Variants in MOBP observed in about 807,000 individuals in gnomAD.
The protein encoded by MOBP is myelin associated oligodendrocyte basic protein.
In MOBP, 5 loss-of-function variants were observed where a neutral mutation model predicts 15.0. That is an observed-to-expected ratio of 0.33 (90% CI 0.17 to 0.70). MOBP has a LOEUF of 0.70. Ranked by LOEUF, MOBP falls within the 30% of genes least tolerant of loss-of-function variation. MOBP has a pLI of 0.67. For missense variants in MOBP, 188 were observed against 257.8 expected (o/e 0.73, Z 1.85); for synonymous variants, 88 against 99.0 (o/e 0.89, Z 0.66).
At chr3:39,506,314 T>A (rs1247630586), downstream of MOBP, among the ~76,000 whole-genome samples, 1 of 152,178 alleles carries the variant, frequency 6.6e-6, no homozygotes, top group Non-Finnish European at 1.5e-5. Context: ...TTCAATTCAT[T>A]GTGTTCTAAT....
intron 1 of MOBP, among the ~76,000 whole-genome samples, chr3:39,469,332 A>AT: frequency 6.7e-6 from 1 of 150,066 alleles, no homozygotes; most frequent in Admixed American, 6.7e-5. Flanking sequence ...AATTAATTTT[A>AT]ATTAAAATTT....
downstream of MOBP, among the ~76,000 whole-genome samples, chr3:39,506,818 T>G (rs1253478420): frequency 6.6e-6 from 1 of 152,218 alleles, no homozygotes; most frequent in Non-Finnish European, 1.5e-5. Flanking sequence ...ACCAGTAGTG[T>G]TTGCTCTAAT....
chr3:39,490,419 G>A (rs547556716), intron 2 of MOBP, among the ~76,000 whole-genome samples: 6 of 152,306 alleles, frequency 3.9e-5, no homozygotes, highest in Non-Finnish European at 7.4e-5. Context: ...AAAACTCATT[G>A]AAGATTGATA....
intron 1 of MOBP, among the ~76,000 whole-genome samples, chr3:39,478,826 T>C (rs1041861040): frequency 5.3e-5 from 8 of 150,970 alleles, no homozygotes; most frequent in African/African-American, 2.0e-4. Context: ...TGTCTTTTTT[T>C]TTCTTCTTCT....
downstream of MOBP, among the ~76,000 whole-genome samples, chr3:39,507,027 T>C (rs1334325723): frequency 6.6e-6 from 1 of 152,216 alleles, no homozygotes; most frequent in Non-Finnish European, 1.5e-5. Context: ...TGCTTCCTTT[T>C]CTGCCAATTG....
chr3:39,482,807 G>A (rs1352094753), intron 2 of MOBP, among the ~76,000 whole-genome samples: 6 of 151,858 alleles, frequency 4.0e-5, no homozygotes, highest in African/African-American at 1.5e-4. Flanking sequence ...AGCCCATCCT[G>A]CTCCACTCCT....
intron 2 of MOBP, among the ~76,000 whole-genome samples, chr3:39,491,746 A>C (rs973612346): frequency 6.6e-6 from 1 of 152,226 alleles, no homozygotes; most frequent in African/African-American, 2.4e-5. Flanking sequence ...AAGCAGAAAG[A>C]AGAGTTTTTC....
chr3:39,472,133 T>A (rs182219439), intron 1 of MOBP, among the ~76,000 whole-genome samples: 3 of 152,340 alleles, frequency 2.0e-5, no homozygotes, highest in East Asian at 3.9e-4. Flanking sequence ...AGTTTTATCA[T>A]TGTGGAGATA....
downstream of MOBP, among the ~76,000 whole-genome samples, chr3:39,520,537 A>AGTGTGTGT (rs5848515): frequency 5.5e-4 from 80 of 144,690 alleles, no homozygotes; most frequent in South Asian, 4.9e-3. Flanking sequence ...TGTGTTCATG[A>AGTGTGTGT]GTGTGTGTGT....
chr3:39,479,251 G>A (rs1231572913), intron 1 of MOBP, among the ~76,000 whole-genome samples: 1 of 152,074 alleles, frequency 6.6e-6, no homozygotes, highest in Admixed American at 6.6e-5. Context: ...CTCTTACAAA[G>A]ATTTCTATAG....
intron 1 of MOBP, among the ~76,000 whole-genome samples, chr3:39,468,679 AATATGTGTGTGTATATACATATATAC>A (rs1559411314): frequency 0.028 from 3,771 of 132,602 alleles, 70 homozygotes; most frequent in African/African-American, 0.033. Flanking sequence ...TATATATAAA[AATATGTGTGTGTATATACATATATAC>A]ATATGTGTGT....
At chr3:39,495,820 TGGGGGAAAAAA>T (rs1304426728) in intron 2 of MOBP, among the ~76,000 whole-genome samples, 1 of 129,634 alleles carries the variant, frequency 7.7e-6, no homozygotes, top group African/African-American at 2.8e-5. Context: ...ATGAATAAAC[TGGGGGAAAAAA>T]GAACAAAGAC....
chr3:39,526,407 G>A (rs540689279), downstream of MOBP: 56 of 152,316 alleles, frequency 3.7e-4, no homozygotes, highest in Middle Eastern at 0.017. Context: ...ATAGCTAAAT[G>A]TAATGTGCCT....
chr3:39,522,783 C>T (rs1012807542), intron 3 of MOBP, among the ~76,000 whole-genome samples: 5 of 152,210 alleles, frequency 3.3e-5, no homozygotes, highest in Non-Finnish European at 5.9e-5. Context: ...AAGTTGCTGA[C>T]CCCTGTCCTA....
exon 5 of MOBP, chr3:39,524,816 A>G (rs1413829697): frequency 6.6e-6 from 1 of 152,218 alleles, no homozygotes; most frequent in African/African-American, 2.4e-5. Flanking sequence ...GTCCACCAAT[A>G]GAATGAGTGA....
chr3:39,488,219 A>G (rs1684742652), intron 2 of MOBP, among the ~76,000 whole-genome samples: 1 of 152,092 alleles, frequency 6.6e-6, no homozygotes, highest in African/African-American at 2.4e-5. Flanking sequence ...TTTTATGTCA[A>G]ATACAGTGCA....
At chr3:39,519,708 A>G (rs2043243095), downstream of MOBP, among the ~76,000 whole-genome samples, 1 of 152,164 alleles carries the variant, frequency 6.6e-6, no homozygotes, top group Admixed American at 6.5e-5. Flanking sequence ...ATTCATTACT[A>G]CAACTGCATT....
chr3:39,482,023 C>G (rs756896079), intron 2 of MOBP, among the ~76,000 whole-genome samples: 2 of 152,194 alleles, frequency 1.3e-5, no homozygotes, highest in Non-Finnish European at 2.9e-5. Context: ...GAGCCAACTT[C>G]TCCTCTGAAC....
intron 2 of MOBP, among the ~76,000 whole-genome samples, chr3:39,485,401 A>T (rs1481258192): frequency 6.6e-6 from 1 of 152,228 alleles, no homozygotes; most frequent in African/African-American, 2.4e-5. Flanking sequence ...TGAGAGGATT[A>T]GCAAGGTTTT....
Sources: gnomAD v4.1 joint callset for allele counts (sites outside exome capture counted in the v4.1 genomes callset) on GRCh38, gnomAD v4.1.1 for gene constraint, MANE v1.5 for transcripts, NCBI Gene and HGNC (gene_info 2026-07-23, HGNC 2026-07-21) for gene names.